The following ZBED3 variants were observed in gnomAD, a reference collection of about 807,000 sequenced individuals.
ZBED3 encodes the protein zinc finger BED-type containing 3, also known as zinc finger BED domain-containing protein 3.
For synonymous variants in ZBED3, 175 were observed against 180.0 expected, an observed-to-expected ratio of 0.97 and a Z score of 0.22; for missense variants, 388 against 362.9, an observed-to-expected ratio of 1.07 and a Z score of -0.56.
Position 77,076,735 on chromosome 5 carries a change from C to T in ZBED3, c.*439G>A, listed in dbSNP as rs572527332. 114 of 153,756 alleles carry T rather than the reference C, an allele frequency of 7.4e-4. No homozygotes were observed. The highest frequency in any genetic ancestry group is 1.4e-3 in the Non-Finnish European group (98 of 69,728). 9.5% of individuals were successfully genotyped at this position (153,756 alleles called of 1,614,324 possible). On this transcript the variant is annotated 3_prime_UTR_variant, in exon 3 of 3. Coordinates refer to ENST00000255198, the MANE Select transcript of ZBED3 (RefSeq NM_032367.4). The stretch of plus-strand genomic sequence containing the variant: ...TAAAAAGCTTTCTCATTTCCACGCA[C>T]CCTCCACCTTGGGCTGCTGGGTGTA...
intron 2 of ZBED3, 49 bp from the exon 3 acceptor site, chr5:77,077,944 GCTCCTAGA>G: frequency 8.4e-7 from 1 of 1,185,966 alleles, no homozygotes; most frequent in Non-Finnish European, 1.1e-6. Context: ...CACGCACACA[GCTCCTAGA>G]CTACAGTTAG....
chr5:77,076,032 T>TAC lies in ZBED3; in HGVS notation c.*1141_*1142insGT, dbSNP rs1742991320. 2.3e-5 allele frequency: 2 copies of TAC among 86,232 alleles called. No homozygotes were observed. Among genetic ancestry groups the TAC allele is most frequent in the African/African-American group, 7.5e-5 (2 of 26,758 alleles). 5.3% of individuals were successfully genotyped at this position (86,232 alleles called of 1,614,324 possible). ...ATATATGTATATATGTATATATATA[T>TAC]GTATATATGTATATATATATATAAT... On this transcript the variant is annotated 3_prime_UTR_variant, in exon 3 of 3. Transcript: ENST00000255198.
rs1743006136 is a variant in ZBED3 at position 77,076,488 on chromosome 5, T to A, written c.*686A>T. ...TATGTGCCACACTTGTCATTAGGTC[T>A]GAAGCAAGGGAAGGATGGCCGAGGG... On this transcript the variant is annotated 3_prime_UTR_variant, in exon 3 of 3. Coordinates refer to ENST00000255198, the MANE Select transcript of ZBED3 (RefSeq NM_032367.4). 6.6e-6 allele frequency: 1 copy of A among 152,126 alleles called. No individual in the cohort carries two copies. Among genetic ancestry groups the A allele is most frequent in the Admixed American group, 6.6e-5 (1 of 15,262 alleles). The allele number at this position is 152,126 out of a possible 1,614,324, so 9.4% of individuals were successfully genotyped here.
Position 77,075,208 on chromosome 5 carries a change from G to A in ZBED3, c.*1966C>T, listed in dbSNP as rs1048921397. On this transcript the variant is annotated 3_prime_UTR_variant, in exon 3 of 3. Transcript: ENST00000255198. ...GAGTGGAGTGTAGACATAGGCCTAA[G>A]GAAGCAATCAGACACTTCCAGAATA... 9 of 152,222 alleles carry A rather than the reference G, an allele frequency of 5.9e-5. No individual in the cohort carries two copies. The highest frequency in any genetic ancestry group is 2.2e-4 in the African/African-American group (9 of 41,436). 9.4% of individuals were successfully genotyped at this position (152,222 alleles called of 1,614,324 possible). A position where few individuals can be genotyped will look rare whatever the true frequency, so the allele number is the denominator to read the frequency against.
chr5:77,077,430 A>C lies in ZBED3; in HGVS notation c.449T>G (p.Leu150Arg), dbSNP rs1365544592. ...CTCCACGGCCAGCTCGCGCCGCTCC[A>C]GCTCCCGCTCCCGCCGGCTGCCGCG... ...AVRGSRRERE[L>R]ERRELAVEQG... Residue 150 changes from leucine to arginine, a missense_variant, in exon 3 of 3, where the codon CTG (leucine) becomes CGG (arginine). Transcript: ENST00000255198. 1 of 1,224,358 alleles carries C rather than the reference A, an allele frequency of 8.2e-7. No homozygotes were observed. Among genetic ancestry groups the C allele is most frequent in the Non-Finnish European group, 1.0e-6 (1 of 981,226 alleles). The allele number at this position is 1,224,358 out of a possible 1,614,324, so 75.8% of individuals were successfully genotyped here. A position where few individuals can be genotyped will look rare whatever the true frequency, so the allele number is the denominator to read the frequency against.
At position 77,076,969 on chromosome 5, in the gene ZBED3, G is replaced by C. The variant is rs1561296949; in HGVS notation, c.*205C>G. 1 of 399,902 alleles carries C rather than the reference G, an allele frequency of 2.5e-6. No homozygotes were observed. The highest frequency in any genetic ancestry group is 4.3e-6 in the Non-Finnish European group (1 of 233,312). The allele number at this position is 399,902 out of a possible 1,614,324, so 24.8% of individuals were successfully genotyped here. On this transcript the variant is annotated 3_prime_UTR_variant, in exon 3 of 3. Coordinates refer to ENST00000255198, the MANE Select transcript of ZBED3 (RefSeq NM_032367.4). ...CCCAGGCACCCCCGGTGACCCCATG[G>C]AAGTGAGTTTTGGTTCTGCTCTGGC...
chr5:77,079,092 A>G (rs771797415), intron 1 of ZBED3: 1 of 152,268 alleles, frequency 6.6e-6, no homozygotes, highest in African/African-American at 2.4e-5. Flanking sequence ...GCAATAACCT[A>G]TTAAAGAAAA....
At chr5:77,078,813 A>G (rs1225368373) in intron 1 of ZBED3, 85 bp from the exon 2 acceptor site, 1 of 152,262 alleles carries the variant, frequency 6.6e-6, no homozygotes, top group African/African-American at 2.4e-5. Flanking sequence ...AATACTGAGC[A>G]GCGCCATGCC....
In ZBED3 at chr5:77,072,487, C is replaced by T. The variant is rs1439272496; in HGVS notation, c.*4687G>A. The T allele has an allele frequency of 6.6e-6, 1 of 152,144 alleles. No homozygotes were observed. The highest frequency in any genetic ancestry group is 2.4e-5 in the African/African-American group (1 of 41,426). 9.4% of individuals were successfully genotyped at this position (152,144 alleles called of 1,614,324 possible). On this transcript the variant is annotated 3_prime_UTR_variant, in exon 3 of 3. Transcript: ENST00000255198. Reference sequence around the variant, plus strand: ...TGTTTTAAAGAATGTGCTAGGGACTCATGGCCACTCTAAAAGAGGAGTTCC... The same window carrying T: ...TGTTTTAAAGAATGTGCTAGGGACTTATGGCCACTCTAAAAGAGGAGTTCC...
Position 77,077,424 on chromosome 5 carries a change from C to T in ZBED3, c.455G>A (p.Arg152Gln), listed in dbSNP as rs1444877126. 6.5e-6 allele frequency: 8 copies of T among 1,227,464 alleles called. No homozygotes were observed. Among genetic ancestry groups the T allele is most frequent in the African/African-American group, 4.8e-5 (3 of 62,866 alleles). 76.0% of individuals were successfully genotyped at this position (1,227,464 alleles called of 1,614,324 possible). Residue 152 changes from arginine to glutamine, a missense_variant, in exon 3 of 3, where the codon CGG becomes CAG. Arg to Gln is a conservative substitution (Grantham distance 43). Coordinates refer to ENST00000255198, the MANE Select transcript of ZBED3 (RefSeq NM_032367.4). ...RGSRRERELE[R>Q]RELAVEQGER... ...GCCCTGCTCCACGGCCAGCTCGCGCCGCTCCAGCTCCCGCTCCCGCCGGCT... is the reference window on the plus strand; with the variant it reads ...GCCCTGCTCCACGGCCAGCTCGCGCTGCTCCAGCTCCCGCTCCCGCCGGCT...
rs1480139689 is a variant in ZBED3 at position 77,076,320 on chromosome 5, T to C, written c.*854A>G. 2 of 152,042 alleles carry C rather than the reference T, an allele frequency of 1.3e-5. No individual in the cohort carries two copies. Among genetic ancestry groups the C allele is most frequent in the Admixed American group, 6.6e-5 (1 of 15,250 alleles). The allele number at this position is 152,042 out of a possible 1,614,324, so 9.4% of individuals were successfully genotyped here. On this transcript the variant is annotated 3_prime_UTR_variant, in exon 3 of 3. Coordinates refer to ENST00000255198, the MANE Select transcript of ZBED3 (RefSeq NM_032367.4). ...TGGGATGGAAAATGACAGGTAGATG[T>C]GGCCTTAAGCGGAGGGATGCTTTCC...
At position 77,076,318 on chromosome 5, in the gene ZBED3, T is replaced by C. The variant is rs1241688694; in HGVS notation, c.*856A>G. ...AATGGGATGGAAAATGACAGGTAGA[T>C]GTGGCCTTAAGCGGAGGGATGCTTT... On this transcript the variant is annotated 3_prime_UTR_variant, in exon 3 of 3. Coordinates refer to ENST00000255198, the MANE Select transcript of ZBED3 (RefSeq NM_032367.4). 6.6e-6 allele frequency: 1 copy of C among 151,926 alleles called. No individual in the cohort carries two copies. Among genetic ancestry groups the C allele is most frequent in the Non-Finnish European group, 1.5e-5 (1 of 68,040 alleles). 9.4% of individuals were successfully genotyped at this position (151,926 alleles called of 1,614,324 possible).
Position 77,076,721 on chromosome 5 carries a change from C to A in ZBED3, c.*453G>T. 7.0e-6 allele frequency: 1 copy of A among 142,370 alleles called. No homozygotes were observed. Among genetic ancestry groups the A allele is most frequent in the Non-Finnish European group, 1.5e-5 (1 of 65,502 alleles). 8.8% of individuals were successfully genotyped at this position (142,370 alleles called of 1,614,324 possible). A position where few individuals can be genotyped will look rare whatever the true frequency, so the allele number is the denominator to read the frequency against. On this transcript the variant is annotated 3_prime_UTR_variant, in exon 3 of 3. Coordinates refer to ENST00000255198, the MANE Select transcript of ZBED3 (RefSeq NM_032367.4). ...TTTTTTTTTTTGGGTAAAAAGCTTT[C>A]TCATTTCCACGCACCCTCCACCTTG...
In ZBED3 at chr5:77,072,481, G is replaced by A. The variant is rs1171905921; in HGVS notation, c.*4693C>T. 6.6e-6 allele frequency: 1 copy of A among 152,160 alleles called. No individual in the cohort carries two copies. Among genetic ancestry groups the A allele is most frequent in the Non-Finnish European group, 1.5e-5 (1 of 68,024 alleles). 9.4% of individuals were successfully genotyped at this position (152,160 alleles called of 1,614,324 possible). ...CAAGGATGTTTTAAAGAATGTGCTA[G>A]GGACTCATGGCCACTCTAAAAGAGG... On this transcript the variant is annotated 3_prime_UTR_variant, in exon 3 of 3. Coordinates refer to ENST00000255198, the MANE Select transcript of ZBED3 (RefSeq NM_032367.4).
chr5:77,073,574 AT>A lies in ZBED3; in HGVS notation c.*3599del, dbSNP rs1416592100. On this transcript the variant is annotated 3_prime_UTR_variant, in exon 3 of 3. Transcript: ENST00000255198. ...AGGCAATACATTTTGTGTTACTTGTATAATAAAAAAGTAGATTTACATACCA... is the reference window on the plus strand; with the variant it reads ...AGGCAATACATTTTGTGTTACTTGTAAATAAAAAAGTAGATTTACATACCA... 1 of 152,220 alleles carries A rather than the reference AT, an allele frequency of 6.6e-6. No homozygotes were observed. The highest frequency in any genetic ancestry group is 1.5e-5 in the Non-Finnish European group (1 of 68,042). 9.4% of individuals were successfully genotyped at this position (152,220 alleles called of 1,614,324 possible). A position where few individuals can be genotyped will look rare whatever the true frequency, so the allele number is the denominator to read the frequency against.
At chr5:77,086,315 G>A (rs147112586) in intron 1 of ZBED3, among the ~76,000 whole-genome samples, 150 of 151,774 alleles carry the variant, frequency 9.9e-4, no homozygotes, top group African/African-American at 3.2e-3. Flanking sequence ...TTTATAATAC[G>A]TATTGCTGTC....
At chr5:77,081,693 A>C (rs1429717671) in intron 1 of ZBED3, among the ~76,000 whole-genome samples, 3 of 152,178 alleles carry the variant, frequency 2.0e-5, no homozygotes, top group African/African-American at 7.2e-5. Flanking sequence ...AAGAAAATGA[A>C]AAGTAAGAGA....
At position 77,075,784 on chromosome 5, in the gene ZBED3, T is replaced by A. The variant is rs552923697; in HGVS notation, c.*1390A>T. ...GGAATTCTTTGAAGGAAAAACAGGATCCACCTACCAAGAGAGCAATTTCAA... is the reference window on the plus strand; with the variant it reads ...GGAATTCTTTGAAGGAAAAACAGGAACCACCTACCAAGAGAGCAATTTCAA... On this transcript the variant is annotated 3_prime_UTR_variant, in exon 3 of 3. Transcript: ENST00000255198. The A allele has an allele frequency of 4.3e-4, 65 of 150,738 alleles. No individual in the cohort carries two copies. The highest frequency in any genetic ancestry group is 8.7e-4 in the Non-Finnish European group (59 of 67,770). The allele number at this position is 150,738 out of a possible 1,614,324, so 9.3% of individuals were successfully genotyped here. A position where few individuals can be genotyped will look rare whatever the true frequency, so the allele number is the denominator to read the frequency against.
rs1181801448 is a variant in ZBED3 at position 77,077,787 on chromosome 5, G to C, written c.92C>G (p.Pro31Arg). The C allele has an allele frequency of 2.3e-6, 3 of 1,317,642 alleles. No homozygotes were observed. The highest frequency in any genetic ancestry group is 2.9e-6 in the Non-Finnish European group (3 of 1,037,964). 81.6% of individuals were successfully genotyped at this position (1,317,642 alleles called of 1,614,324 possible). A position where few individuals can be genotyped will look rare whatever the true frequency, so the allele number is the denominator to read the frequency against. ...GCCGGGAGGCGTCGGCGTCGGCGCCGGCCCCAGTCCCGGACACTGACCGCC... is the reference window on the plus strand; with the variant it reads ...GCCGGGAGGCGTCGGCGTCGGCGCCCGCCCCAGTCCCGGACACTGACCGCC... ...ARGGQCPGLG[P>R]APTPTPPGRL... Residue 31 changes from proline (P) to arginine (R), a missense_variant, in exon 3 of 3, where the codon CCG becomes CGG. Transcript: ENST00000255198.
Sources: gnomAD v4.1 joint callset for allele counts (sites outside exome capture counted in the v4.1 genomes callset) on GRCh38, gnomAD v4.1.1 for gene constraint, MANE v1.5 for transcripts, NCBI Gene and HGNC (gene_info 2026-07-23, HGNC 2026-07-21) for gene names.